The following MAST4 variants were observed in gnomAD, a reference collection of about 807,000 sequenced individuals.
MAST4 encodes microtubule associated serine/threonine kinase family member 4.
MAST4 carries 89 observed loss-of-function variants against 162.7 expected under a neutral mutation model. The ratio of observed to expected loss-of-function variants is 0.55; its 90% CI spans 0.46 to 0.65. The LOEUF (loss-of-function observed/expected upper bound fraction) is 0.65, where lower values mean the gene tolerates loss of function less well. Among genes scored for constraint, MAST4 ranks in the 30% least tolerant of loss-of-function variants. MAST4 has a pLI of 0.00. For missense variants in MAST4, 3,153 were observed against 3,374.0 expected, an observed-to-expected ratio of 0.93 and a Z score of 1.62; for synonymous variants, 1,479 against 1,361.1, an observed-to-expected ratio of 1.09 and a Z score of -1.91.
chr5:67,066,089 T>G (rs575318598), intron 5 of MAST4, among the ~76,000 whole-genome samples: 2 of 152,114 alleles, frequency 1.3e-5, no homozygotes, highest in African/African-American at 2.4e-5. Context: ...AACAGTCATA[T>G]AGTTTTAGGG....
chr5:67,012,743 G>A (rs1752840982), intron 4 of MAST4, among the ~76,000 whole-genome samples: 1 of 151,982 alleles, frequency 6.6e-6, no homozygotes, highest in Non-Finnish European at 1.5e-5. Flanking sequence ...TAGAAAAAAA[G>A]AAAAGAAAAA....
chr5:67,127,880 C>G lies in MAST4; in HGVS notation c.1746-2330C>G, dbSNP rs1471289201. ...AAAAAGATATGTATTTTAAACATTT[C>G]AATTTAACCTAAATATACATAAATT... On this transcript the variant is annotated intron_variant, in intron 14 of 28. Coordinates refer to ENST00000403625, the MANE Select transcript of MAST4 (RefSeq NM_001164664.2). Among the ~76,000 whole-genome samples the G allele has an allele frequency of 2.6e-5, 4 of 152,142 alleles. No individual in the cohort carries two copies. In the East Asian group the frequency reaches 7.7e-4, roughly 29 times the overall value.
At chr5:66,939,145 A>G (rs964616599) in intron 4 of MAST4, among the ~76,000 whole-genome samples, 2 of 152,194 alleles carry the variant, frequency 1.3e-5, no homozygotes, top group African/African-American at 4.8e-5. Flanking sequence ...AAAGAAAAAC[A>G]GATGGAAATT....
intron 4 of MAST4, among the ~76,000 whole-genome samples, chr5:66,950,325 A>T (rs544819431): frequency 6.6e-6 from 1 of 152,104 alleles, no homozygotes; most frequent in Admixed American, 6.6e-5. Flanking sequence ...TGCGCCATTA[A>T]GTACATTCAC....
At chr5:66,652,434 CTTAT>C (rs1313944583) in intron 1 of MAST4, among the ~76,000 whole-genome samples, 1 of 152,124 alleles carries the variant, frequency 6.6e-6, no homozygotes. Context: ...ATTAGCTTGG[CTTAT>C]TTATTTTATT....
At chr5:66,875,711 G>C (rs962177180) in intron 3 of MAST4, among the ~76,000 whole-genome samples, 1 of 152,028 alleles carries the variant, frequency 6.6e-6, no homozygotes, top group African/African-American at 2.4e-5. Context: ...TGATTGTTGA[G>C]GTAAAATGTC....
rs117489507 is a variant in MAST4, at chr5:66,600,636, T to C, written c.363+3618T>C. On this transcript the variant is annotated intron_variant, in intron 1 of 28. Coordinates refer to ENST00000403625, the MANE Select transcript of MAST4 (RefSeq NM_001164664.2). Reference sequence around the variant, plus strand: ...ATTGAAGGGTACCTGTGTGTATTCATTGATTTTGTCTGTTGTGAATTATGA... The same window carrying C: ...ATTGAAGGGTACCTGTGTGTATTCACTGATTTTGTCTGTTGTGAATTATGA... 4.4e-3 allele frequency among the ~76,000 whole-genome samples: 668 copies of C among 152,340 alleles called. 17 individuals are homozygous for C. In the South Asian group the frequency reaches 0.062, roughly 14 times the overall value.
chr5:67,166,275 G>A lies in MAST4; in HGVS notation c.7096G>A (p.Asp2366Asn), dbSNP rs377512686. 2 of 1,556,748 alleles carry A rather than the reference G, an allele frequency of 1.3e-6. No homozygotes were observed. The highest frequency in any genetic ancestry group is 1.7e-6 in the Non-Finnish European group (2 of 1,149,754). ...KSPSQPAANTDRRAEGKKCTE... is the reference protein window; with the variant it reads ...KSPSQPAANTNRRAEGKKCTE... ...CCCGAGTCAGCCGGCCGCCAACACC[G>A]ACAGAAGGGCGGAAGGGAAGAAATG... Residue 2366 changes from aspartate to asparagine, a missense_variant, in exon 29 of 29, where the codon GAC (aspartate) becomes AAC (asparagine). Asp to Asn is a conservative substitution (Grantham distance 23). This residue lies in a region of MAST4 where 1,644 missense variants were observed against 1,495.0 expected (regional missense o/e 1.10). Transcript: ENST00000403625.
intron 4 of MAST4, among the ~76,000 whole-genome samples, chr5:67,015,366 C>T (rs933689182): frequency 6.6e-6 from 1 of 152,192 alleles, no homozygotes; most frequent in Non-Finnish European, 1.5e-5. Context: ...TGGCTTGTAG[C>T]TGTTCCTTCA....
At chr5:67,162,046 T>C (rs901341225) in intron 27 of MAST4, among the ~76,000 whole-genome samples, 2 of 152,350 alleles carry the variant, frequency 1.3e-5, no homozygotes, top group Middle Eastern at 6.8e-3. Context: ...GCTGATACGA[T>C]ACGCTTCAGC....
At chr5:66,830,834 T>G (rs933535054) in intron 3 of MAST4, among the ~76,000 whole-genome samples, 2 of 152,206 alleles carry the variant, frequency 1.3e-5, no homozygotes, top group Admixed American at 1.3e-4. Flanking sequence ...CTAGTGAATT[T>G]AAGAATAAAA....
intron 2 of MAST4, among the ~76,000 whole-genome samples, chr5:66,787,321 AT>A (rs1755163133): frequency 6.6e-6 from 1 of 152,182 alleles, no homozygotes; most frequent in Non-Finnish European, 1.5e-5. Flanking sequence ...AGAAGATCTA[AT>A]TTTTCTCCAG....
At chr5:66,971,291 A>G (rs1747406614) in intron 4 of MAST4, among the ~76,000 whole-genome samples, 1 of 152,140 alleles carries the variant, frequency 6.6e-6, no homozygotes, top group Non-Finnish European at 1.5e-5. Context: ...GTGATGCAAA[A>G]AAAGGTTAAA....
intron 3 of MAST4, among the ~76,000 whole-genome samples, chr5:66,814,950 A>G (rs907514175): frequency 3.3e-5 from 5 of 152,170 alleles, no homozygotes; most frequent in African/African-American, 1.2e-4. Flanking sequence ...CGTATGGAAG[A>G]TGTTTAGACA....
In MAST4 at chr5:66,911,130, A is replaced by G. The variant is rs181962747; in HGVS notation, c.674+11148A>G. 9.3e-4 allele frequency among the ~76,000 whole-genome samples: 142 copies of G among 152,292 alleles called. 2 individuals are homozygous for G. Among genetic ancestry groups the G allele is most frequent in the Admixed American group, 4.7e-3 (72 of 15,304 alleles). ...CTTTCCCATGCTTAAGTACAGGAAC[A>G]TGAGACAAACCCATGGAAATGCCAG... On this transcript the variant is annotated intron_variant, in intron 4 of 28. Coordinates refer to ENST00000403625, the MANE Select transcript of MAST4 (RefSeq NM_001164664.2).
chr5:66,777,405 G>A (rs983757379), intron 2 of MAST4, among the ~76,000 whole-genome samples: 43 of 152,150 alleles, frequency 2.8e-4, no homozygotes, highest in African/African-American at 1.0e-3. Flanking sequence ...TCATCACCTC[G>A]TAAGATTGGT....
chr5:66,793,880 C>T (rs911399468), intron 3 of MAST4, among the ~76,000 whole-genome samples: 3 of 152,074 alleles, frequency 2.0e-5, no homozygotes, highest in African/African-American at 4.8e-5. Context: ...TATACCATAT[C>T]GTTTGCTTAT....
chr5:67,118,767 T>C lies in MAST4; in HGVS notation c.1659+18T>C, dbSNP rs766956072. The C allele has an allele frequency of 1.8e-5, 26 of 1,426,944 alleles. No individual in the cohort carries two copies. The highest frequency in any genetic ancestry group is 2.3e-5 in the Non-Finnish European group (24 of 1,036,106). 88.4% of individuals were successfully genotyped at this position (1,426,944 alleles called of 1,614,324 possible). A position where few individuals can be genotyped will look rare whatever the true frequency, so the allele number is the denominator to read the frequency against. Reference sequence around the variant, plus strand: ...CAGTGAGTGTAAGTATATTTCTTGATGAAATATGATGTTGGTTTTTCTGTT... The same window carrying C: ...CAGTGAGTGTAAGTATATTTCTTGACGAAATATGATGTTGGTTTTTCTGTT... On this transcript the variant is annotated intron_variant, in intron 13 of 28. Transcript: ENST00000403625.
intron 1 of MAST4, among the ~76,000 whole-genome samples, chr5:66,604,987 A>G (rs554645223): frequency 1.8e-4 from 28 of 152,360 alleles, no homozygotes; most frequent in East Asian, 1.2e-3. Flanking sequence ...GCGAAATTGC[A>G]TTATGGTATT....
Sources: gnomAD v4.1 joint callset for allele counts (sites outside exome capture counted in the v4.1 genomes callset) on GRCh38, gnomAD v4.1.1 for gene constraint, gnomAD v4.1.1 regional missense constraint, MANE v1.5 for transcripts, NCBI Gene and HGNC (gene_info 2026-07-23, HGNC 2026-07-21) for gene names.